USP34: variants seen among roughly 807,000 people sequenced by gnomAD.
The protein encoded by USP34 is ubiquitin specific peptidase 34.
In USP34, 70 loss-of-function variants were observed where a neutral mutation model predicts 460.3. The ratio of observed to expected loss-of-function variants is 0.15; its 90% CI spans 0.13 to 0.19. The LOEUF is 0.19. Ranked by LOEUF, USP34 falls within the 10% of genes least tolerant of loss-of-function variation. USP34 has a pLI of 1.00. For synonymous variants in USP34, 1,647 were observed against 1,405.3 expected (o/e 1.17, Z -3.85); for missense variants, 3,985 against 4,236.2 (o/e 0.94, Z 1.65).
chr2:61,293,607 G>A (rs2103620176), intron 32 of USP34, 57 bp from the exon 33 acceptor site: 1 of 1,322,058 alleles, frequency 7.6e-7, no homozygotes, highest in South Asian at 1.3e-5. Context: ...ATGCAATAAT[G>A]CTTGTTGATT....
intron 48 of USP34, among the ~76,000 whole-genome samples, chr2:61,251,966 T>TAA (rs1236477329): frequency 1.4e-5 from 2 of 144,572 alleles, no homozygotes. Flanking sequence ...TTAATTTGTT[T>TAA]AAAAAAAAAA....
At chr2:61,408,208 T>G (rs955789731) in intron 2 of USP34, among the ~76,000 whole-genome samples, 1 of 152,082 alleles carries the variant, frequency 6.6e-6, no homozygotes, top group African/African-American at 2.4e-5. Flanking sequence ...CAGCCCCACA[T>G]GAGCTTTTTA....
At chr2:61,230,149 G>T (rs1687849613) in intron 58 of USP34, among the ~76,000 whole-genome samples, 1 of 152,090 alleles carries the variant, frequency 6.6e-6, no homozygotes, top group Admixed American at 6.6e-5. Flanking sequence ...TAAAATAAAA[G>T]ACAGTATCAG....
chr2:61,470,779 G>C lies in USP34; in HGVS notation c.-87C>G, dbSNP rs1044692391. 1.5e-5 allele frequency: 19 copies of C among 1,243,746 alleles called. No individual in the cohort carries two copies. Among genetic ancestry groups the C allele is most frequent in the Non-Finnish European group, 2.2e-5 (19 of 881,930 alleles). 77.0% of individuals were successfully genotyped at this position (1,243,746 alleles called of 1,614,324 possible). On this transcript the variant is annotated 5_prime_UTR_variant, in exon 1 of 80. Transcript: ENST00000398571. ...GGGGGGAGGGGAGAGAGGCGGAGGA[G>C]GGGGCCGGCCGGCCGGCGGGGCGGG... is the stretch of plus-strand genomic sequence containing the variant.
chr2:61,340,985 T>C (rs1691580865), intron 16 of USP34, among the ~76,000 whole-genome samples: 1 of 152,132 alleles, frequency 6.6e-6, no homozygotes, highest in African/African-American at 2.4e-5. Context: ...CTTGTGATCC[T>C]TTACAATCAG....
intron 1 of USP34, among the ~76,000 whole-genome samples, chr2:61,441,950 G>C (rs1484587675): frequency 6.6e-6 from 1 of 151,842 alleles, no homozygotes; most frequent in Non-Finnish European, 1.5e-5. Context: ...GAACAGAACA[G>C]AGTGCCCAGA....
At chr2:61,418,330 T>C (rs199757986) in intron 2 of USP34, among the ~76,000 whole-genome samples, 1 of 152,176 alleles carries the variant, frequency 6.6e-6, no homozygotes, top group Admixed American at 6.5e-5. Context: ...TCCACCCACG[T>C]TGGCCTCTCA....
At chr2:61,435,924 A>G (rs769983734) in intron 1 of USP34, among the ~76,000 whole-genome samples, 3 of 152,132 alleles carry the variant, frequency 2.0e-5, no homozygotes, top group Non-Finnish European at 4.4e-5. Flanking sequence ...GCTACTCAGG[A>G]GGCTTAGGCA....
At chr2:61,189,274 TTTG>T (rs1686548703) in intron 78 of USP34, 1 of 524,206 alleles carries the variant, frequency 1.9e-6, no homozygotes, top group Non-Finnish European at 3.1e-6. Flanking sequence ...TTTTTTTTGT[TTTG>T]TTTTTGTTTT....
In USP34 at chr2:61,221,398, A is replaced by C. The variant is rs116279974; in HGVS notation, c.7899+104T>G. The C allele has an allele frequency of 1.6e-3, 1,680 of 1,052,742 alleles. 15 individuals are homozygous for C. The African/African-American group carries it at 0.025, about 15-fold the overall frequency. 65.2% of individuals were successfully genotyped at this position (1,052,742 alleles called of 1,614,324 possible). ...CCCAAACCTGTGACTTACTAAAACCATCTTGGGGTAATAAGAAACTGGTAC... is the reference window on the plus strand; with the variant it reads ...CCCAAACCTGTGACTTACTAAAACCCTCTTGGGGTAATAAGAAACTGGTAC... On this transcript the variant is annotated intron_variant, in intron 66 of 79. Coordinates refer to ENST00000398571, the MANE Select transcript of USP34 (RefSeq NM_014709.4).
intron 2 of USP34, among the ~76,000 whole-genome samples, chr2:61,412,880 C>G (rs1226455725): frequency 7.4e-6 from 1 of 135,898 alleles, no homozygotes; most frequent in Non-Finnish European, 1.6e-5. Context: ...CACAGCAATC[C>G]CATCTCAAAA....
At chr2:61,243,722 T>G (rs965021735) in intron 51 of USP34, among the ~76,000 whole-genome samples, 1 of 151,940 alleles carries the variant, frequency 6.6e-6, no homozygotes, top group Admixed American at 6.6e-5. Context: ...AACACAAAAA[T>G]TAGCTGGGCA....
chr2:61,231,318 T>G (rs987157282), intron 58 of USP34, among the ~76,000 whole-genome samples: 6 of 152,050 alleles, frequency 3.9e-5, no homozygotes, highest in African/African-American at 1.2e-4. Flanking sequence ...TGGCAAATGT[T>G]CCAAAATTAG....
rs780376216 is a variant in USP34, at chr2:61,188,596, T to G, written c.10147A>C (p.Thr3383Pro). ...CTGGTCTCATTGTCAGAAGTGCTCG[T>G]TGGGGTCAGGACCTCCCTGGTTTCT... is the stretch of plus-strand genomic sequence containing the variant. Reference protein sequence around the residue: ...KTETREVLTPTSTSDNETRDS... With the variant: ...KTETREVLTPPSTSDNETRDS... Residue 3383 changes from threonine to proline, a missense_variant, in exon 80 of 80, where the codon ACG (threonine) becomes CCG (proline). Physicochemically the swap from Thr to Pro is conservative, Grantham distance 38. Coordinates refer to ENST00000398571, the MANE Select transcript of USP34 (RefSeq NM_014709.4). 6.2e-7 allele frequency: 1 copy of G among 1,614,224 alleles called. No individual in the cohort carries two copies. The highest frequency in any genetic ancestry group is 1.7e-5 in the Admixed American group (1 of 60,028).
intron 1 of USP34, among the ~76,000 whole-genome samples, chr2:61,457,630 A>G (rs1034876775): frequency 6.6e-6 from 1 of 152,208 alleles, no homozygotes; most frequent in Non-Finnish European, 1.5e-5. Flanking sequence ...TGGGAGGCTG[A>G]GGCGGGAGAA....
At chr2:61,394,773 C>A in intron 5 of USP34, 80 bp downstream of exon 5, 1 of 1,183,610 alleles carries the variant, frequency 8.4e-7, no homozygotes, top group South Asian at 3.0e-5. Flanking sequence ...CAAAACCTTC[C>A]TTTTCAGAGC....
At chr2:61,466,425 C>CA (rs1357263563) in intron 1 of USP34, among the ~76,000 whole-genome samples, 1 of 151,646 alleles carries the variant, frequency 6.6e-6, no homozygotes, top group African/African-American at 2.4e-5. Context: ...AACCCTATCT[C>CA]AAAAAAACAA....
rs1243069675 is a variant in USP34, at chr2:61,188,064, G to A, written c.*38C>T. The A allele has an allele frequency of 4.4e-6, 7 of 1,581,006 alleles. No individual in the cohort carries two copies. The highest frequency in any genetic ancestry group is 1.4e-5 in the African/African-American group (1 of 73,850). Reference sequence around the variant, plus strand: ...CTTATACAAACAGCATGGGGGTTGGGGGTGAGGGACTTAAAAGTAGACATG... The same window carrying A: ...CTTATACAAACAGCATGGGGGTTGGAGGTGAGGGACTTAAAAGTAGACATG... On this transcript the variant is annotated 3_prime_UTR_variant, in exon 80 of 80. Coordinates refer to ENST00000398571, the MANE Select transcript of USP34 (RefSeq NM_014709.4).
chr2:61,199,118 A>G (rs1391390019), intron 75 of USP34, among the ~76,000 whole-genome samples: 3 of 151,848 alleles, frequency 2.0e-5, no homozygotes, highest in African/African-American at 4.8e-5. Flanking sequence ...AGTATTTTCA[A>G]TTTTTATGTA....
Sources: gnomAD v4.1 joint callset for allele counts (sites outside exome capture counted in the v4.1 genomes callset) on GRCh38, gnomAD v4.1.1 for gene constraint, MANE v1.5 for transcripts, NCBI Gene and HGNC (gene_info 2026-07-23, HGNC 2026-07-21) for gene names.